PSPC1: variants seen among roughly 807,000 people sequenced by gnomAD.
PSPC1 encodes paraspeckle component 1, also known as paraspeckle protein 1.
PSPC1 carries 14 observed loss-of-function variants against 51.6 expected under a neutral mutation model. That is an observed-to-expected ratio of 0.27 (90% CI 0.18 to 0.42). The LOEUF (loss-of-function observed/expected upper bound fraction) is 0.42, where lower values mean the gene tolerates loss of function less well. Among genes scored for constraint, PSPC1 ranks in the 10% least tolerant of loss-of-function variants. The pLI is 1.00. For synonymous variants in PSPC1, 193 were observed against 231.9 expected (o/e 0.83, Z 1.53); for missense variants, 406 against 701.1 (o/e 0.58, Z 4.75).
intron 3 of PSPC1, among the ~76,000 whole-genome samples, chr13:19,758,100 G>T (rs1887263927): frequency 6.6e-6 from 1 of 151,850 alleles, no homozygotes; most frequent in South Asian, 2.1e-4. Context: ...GGATCACGAG[G>T]TCAGGAGATC....
chr13:19,774,741 G>A (rs1421760602), intron 1 of PSPC1, among the ~76,000 whole-genome samples: 2 of 150,112 alleles, frequency 1.3e-5, no homozygotes, highest in Admixed American at 1.3e-4. Flanking sequence ...GAAGGCAGAG[G>A]TTGCAGTGAG....
intron 1 of PSPC1, among the ~76,000 whole-genome samples, chr13:19,780,256 C>A (rs1889799381): frequency 7.0e-6 from 1 of 143,884 alleles, no homozygotes; most frequent in African/African-American, 2.5e-5. Flanking sequence ...GCCCGGCCGC[C>A]CCTACTGGGA....
intron 5 of PSPC1, among the ~76,000 whole-genome samples, chr13:19,739,641 G>A (rs1361639478): frequency 6.6e-6 from 1 of 152,074 alleles, no homozygotes; most frequent in East Asian, 1.9e-4. Context: ...CAGCTAGGAA[G>A]CTGAGGCAGG....
intron 7 of PSPC1, among the ~76,000 whole-genome samples, chr13:19,708,140 T>A (rs1490164384): frequency 6.6e-6 from 1 of 152,198 alleles, no homozygotes; most frequent in African/African-American, 2.4e-5. Context: ...AACAGCAATA[T>A]ATGACTCTAC....
At chr13:19,711,437 C>G (rs1256834249) in intron 6 of PSPC1, among the ~76,000 whole-genome samples, 1 of 151,952 alleles carries the variant, frequency 6.6e-6, no homozygotes, top group Non-Finnish European at 1.5e-5. Context: ...GAGATTGAGA[C>G]CATCCTGGCT....
At chr13:19,729,820 G>C (rs1883827422) in intron 6 of PSPC1, among the ~76,000 whole-genome samples, 1 of 152,012 alleles carries the variant, frequency 6.6e-6, no homozygotes, top group Non-Finnish European at 1.5e-5. Flanking sequence ...GAAATAAAGT[G>C]GTTATACTTA....
At position 19,702,982 on chromosome 13, in the gene PSPC1, A is replaced by C. The variant is rs1880115646; in HGVS notation, c.*193T>G. On this transcript the variant is annotated 3_prime_UTR_variant, in exon 9 of 9. Coordinates refer to ENST00000338910, the MANE Select transcript of PSPC1 (RefSeq NM_001354909.2). ...ACACATTTCAACATTCAAAATGATG[A>C]GCATCATTACCATTCTAATCTACAA... 4.3e-6 allele frequency: 2 copies of C among 467,094 alleles called. No homozygotes were observed. The highest frequency in any genetic ancestry group is 8.0e-6 in the Non-Finnish European group (2 of 250,834). The allele number at this position is 467,094 out of a possible 1,614,324, so 28.9% of individuals were successfully genotyped here.
At chr13:19,691,462 G>T (rs563573695) in intron 6 of PSPC1, among the ~76,000 whole-genome samples, 62 of 152,270 alleles carry the variant, frequency 4.1e-4, no homozygotes, top group Admixed American at 9.8e-4. Flanking sequence ...GTTTGAGGCT[G>T]CGGTGAGCTA....
At chr13:19,759,259 G>T in intron 3 of PSPC1, 64 bp downstream of exon 3, 2 of 1,301,264 alleles carry the variant, frequency 1.5e-6, no homozygotes, top group Non-Finnish European at 2.2e-6. Flanking sequence ...TCCAATATTT[G>T]AAAACAAATG....
intron 6 of PSPC1, among the ~76,000 whole-genome samples, chr13:19,714,495 C>CT (rs59072226): frequency 0.028 from 3,779 of 135,016 alleles, 64 homozygotes; most frequent in South Asian, 0.11. Flanking sequence ...CAGCGGATTT[C>CT]TTTTTTTTTT....
In PSPC1 at chr13:19,778,353, ACC is replaced by A. The variant is rs1566061314; in HGVS notation, c.372+4031_372+4032del. 4.6e-4 allele frequency among the ~76,000 whole-genome samples: 45 copies of A among 98,138 alleles called. No individual in the cohort carries two copies. In the South Asian group the frequency reaches 0.016, roughly 34 times the overall value. 64.4% of individuals were successfully genotyped at this position (98,138 alleles called of 152,430 possible). A position where few individuals can be genotyped will look rare whatever the true frequency, so the allele number is the denominator to read the frequency against. On this transcript the variant is annotated intron_variant, in intron 1 of 8. Coordinates refer to ENST00000338910, the MANE Select transcript of PSPC1 (RefSeq NM_001354909.2). ...ATTACAATTTTCTCTACATATTAAG[ACC>A]TCTCCCTCTCCCCCTCCCCCTCCCC...
intron 1 of PSPC1, among the ~76,000 whole-genome samples, chr13:19,780,302 T>C (rs1360607543): frequency 7.2e-6 from 1 of 138,306 alleles, no homozygotes; most frequent in Non-Finnish European, 1.6e-5. Flanking sequence ...CCACCCCGTC[T>C]GGGAGGTGTG....
At chr13:19,674,348 T>C (rs1271780540), downstream of PSPC1, among the ~76,000 whole-genome samples, 2 of 152,250 alleles carry the variant, frequency 1.3e-5, no homozygotes, top group Non-Finnish European at 2.9e-5. Context: ...AACTATTCCA[T>C]TTTTATACAC....
chr13:19,671,795 T>A (rs775369744), downstream of PSPC1: 1 of 1,599,756 alleles, frequency 6.3e-7, no homozygotes, highest in Non-Finnish European at 8.5e-7. Flanking sequence ...AGGGGAAATC[T>A]GGATCTGTAC....
intron 6 of PSPC1, among the ~76,000 whole-genome samples, chr13:19,680,844 G>A (rs1877191282): frequency 6.6e-6 from 1 of 152,136 alleles, no homozygotes; most frequent in African/African-American, 2.4e-5. Flanking sequence ...CCCTAAGATT[G>A]AATGGAGACA....
chr13:19,745,161 T>C (rs1885837041), intron 4 of PSPC1, among the ~76,000 whole-genome samples: 1 of 151,880 alleles, frequency 6.6e-6, no homozygotes, highest in Non-Finnish European at 1.5e-5. Flanking sequence ...CTATTAAAAC[T>C]ACAAAAATAA....
In PSPC1 at chr13:19,730,347, G is replaced by GA; in HGVS notation, c.1053-4dup. 6.2e-7 allele frequency: 1 copy of GA among 1,613,264 alleles called. No homozygotes were observed. The highest frequency in any genetic ancestry group is 2.2e-5 in the East Asian group (1 of 44,846). On this transcript the variant is annotated splice_polypyrimidine_tract_variant and splice_region_variant and intron_variant, in intron 5 of 8. Coordinates refer to ENST00000338910, the MANE Select transcript of PSPC1 (RefSeq NM_001354909.2). ...GCCGCCGATGCTCCTCTTCATGTCT[G>GA]AAAATTTTTCAAATAAAAATTTCAG...
intron 6 of PSPC1, among the ~76,000 whole-genome samples, chr13:19,719,406 C>T (rs1051754778): frequency 5.3e-5 from 8 of 152,092 alleles, no homozygotes; most frequent in Non-Finnish European, 1.0e-4. Flanking sequence ...CTGGGCTCAA[C>T]GGATCCTCCT....
chr13:19,697,794 C>T (rs891497919), downstream of PSPC1, among the ~76,000 whole-genome samples: 2 of 151,962 alleles, frequency 1.3e-5, no homozygotes, highest in Non-Finnish European at 2.9e-5. Context: ...ATATTTAAAT[C>T]TAAAGAATGT....
Sources: allele counts gnomAD v4.1 joint callset (sites outside exome capture counted in the v4.1 genomes callset), GRCh38; gene constraint gnomAD v4.1.1; transcripts MANE v1.5; gene names NCBI Gene and HGNC (gene_info 2026-07-23, HGNC 2026-07-21).